RGSL1: variants seen among roughly 807,000 people sequenced by gnomAD.
RGSL1 encodes the protein regulator of G protein signaling like 1.
Under a neutral mutation model 124.7 loss-of-function variants are expected in RGSL1, and 97 were observed. That is an observed-to-expected ratio of 0.78 (90% CI 0.66 to 0.92). RGSL1 has a LOEUF of 0.92. Ranked by LOEUF, RGSL1 falls within the 40% of genes least tolerant of loss-of-function variation. The probability of loss-of-function intolerance (pLI) is 0.00; values close to 1 mark genes in which losing one functional copy is unlikely to be tolerated. For missense variants in RGSL1, 1,233 were observed against 1,288.4 expected (o/e 0.96, Z 0.66); for synonymous variants, 424 against 438.1 (o/e 0.97, Z 0.40).
Position 182,546,332 on chromosome 1 carries a change from T to C in RGSL1, c.2670-1985T>C, listed in dbSNP as rs116650036. Among the ~76,000 whole-genome samples the C allele has an allele frequency of 6.1e-3, 869 of 142,498 alleles. 9 individuals are homozygous for C. The highest frequency in any genetic ancestry group is 0.022 in the African/African-American group (839 of 38,640). 93.5% of individuals were successfully genotyped at this position (142,498 alleles called of 152,430 possible). ...GATTACTGTGAAGCAATTTAATCCT[T>C]CTGGCTTTGTATACCTTTTTTTTTT... On this transcript the variant is annotated intron_variant, in intron 15 of 21. Transcript: ENST00000294854.
rs1033786508 is a variant in RGSL1, at chr1:182,480,487, G to A, written c.1431+5945G>A. Among the ~76,000 whole-genome samples the A allele has an allele frequency of 2.7e-5, 4 of 148,052 alleles. No homozygotes were observed. In the East Asian group the frequency reaches 5.9e-4, roughly 22 times the overall value. On this transcript the variant is annotated intron_variant, in intron 6 of 21. Transcript: ENST00000294854. Reference sequence around the variant, plus strand: ...TTTTTTTTTTTTTTGACAGAGTCACGCTCTGTCACCCAGGCTGGAGTGCAG... The same window carrying A: ...TTTTTTTTTTTTTTGACAGAGTCACACTCTGTCACCCAGGCTGGAGTGCAG...
chr1:182,493,022 A>G lies in RGSL1; in HGVS notation c.1718A>G (p.Asp573Gly). The G allele has an allele frequency of 6.5e-7, 1 of 1,544,280 alleles. No individual in the cohort carries two copies. The highest frequency in any genetic ancestry group is 2.4e-5 in the East Asian group (1 of 40,850). ...VELTSPVFLT[D>G]ITKMSFEELC... Reference sequence around the variant, plus strand: ...ATCTCTGTTTTTCCTTACTTCACAGACATAACTAAAATGTCCTTTGAGGAG... The same window carrying G: ...ATCTCTGTTTTTCCTTACTTCACAGGCATAACTAAAATGTCCTTTGAGGAG... Residue 573 changes from aspartate to glycine, a missense_variant and splice_region_variant, in exon 9 of 22, where the codon GAC becomes GGC. Asp to Gly is a moderately conservative substitution (Grantham distance 94). Transcript: ENST00000294854.
chr1:182,491,069 T>G (rs1051422897), intron 8 of RGSL1, among the ~76,000 whole-genome samples: 5 of 151,476 alleles, frequency 3.3e-5, no homozygotes, highest in South Asian at 4.2e-4. Flanking sequence ...TTTTTTTTTT[T>G]GTAGAGATGG....
chr1:182,513,500 C>A (rs1009314145), intron 9 of RGSL1, among the ~76,000 whole-genome samples: 12 of 152,132 alleles, frequency 7.9e-5, no homozygotes, highest in Non-Finnish European at 1.6e-4. Flanking sequence ...GCTGTTTTGC[C>A]CTAGTGAAAG....
chr1:182,447,891 A>T (rs1651576930), upstream of RGSL1: 1 of 152,118 alleles, frequency 6.6e-6, no homozygotes, highest in Non-Finnish European at 1.5e-5. Context: ...ACAGGAGCCT[A>T]AAATGAGCCA....
intron 6 of RGSL1, among the ~76,000 whole-genome samples, chr1:182,482,585 C>A (rs1024926161): frequency 5.9e-5 from 9 of 152,128 alleles, no homozygotes; most frequent in Non-Finnish European, 1.3e-4. Context: ...AATCAATATT[C>A]AAAAACAGTT....
chr1:182,488,494 C>A (rs1176892980), intron 7 of RGSL1, 147 bp downstream of exon 7: 9 of 775,080 alleles, frequency 1.2e-5, no homozygotes, highest in African/African-American at 1.7e-5. Flanking sequence ...CCCTGTTGTT[C>A]TAAAGCTAAA....
chr1:182,532,905 A>G, intron 14 of RGSL1, 114 bp downstream of exon 14: 1 of 1,151,980 alleles, frequency 8.7e-7, no homozygotes, highest in Non-Finnish European at 1.2e-6. Flanking sequence ...GGAGTCTAGC[A>G]AAAAAACCCA....
In RGSL1 at chr1:182,474,527, G is replaced by A. The variant is rs1280001528; in HGVS notation, c.1416G>A (p.Gln472=). ...TGATCCCCTGGATTCCCAAAGCCCAGAAGGAGATTTGCAAGGTAGGCCATG... is the reference window on the plus strand; with the variant it reads ...TGATCCCCTGGATTCCCAAAGCCCAAAAGGAGATTTGCAAGGTAGGCCATG... ...GDVIPWIPKA[Q]KEICKMLSPW... is the part of the protein sequence containing the mutation. The change falls in exon 6 of 22, where the codon CAG becomes CAA. Residue 472 remains glutamine, a synonymous_variant. Coordinates refer to ENST00000294854, the MANE Select transcript of RGSL1 (RefSeq NM_001137669.2). 1.3e-6 allele frequency: 2 copies of A among 1,543,600 alleles called. No homozygotes were observed. Among genetic ancestry groups the A allele is most frequent in the Admixed American group, 2.0e-5 (1 of 50,334 alleles).
upstream of RGSL1, among the ~76,000 whole-genome samples, chr1:182,449,451 G>C (rs1402420965): frequency 2.0e-5 from 3 of 152,302 alleles, no homozygotes; most frequent in South Asian, 6.2e-4. Flanking sequence ...TGACACTGAA[G>C]AATTCTATTC....
intron 9 of RGSL1, among the ~76,000 whole-genome samples, chr1:182,511,976 A>G (rs1184135569): frequency 6.6e-6 from 1 of 151,974 alleles, no homozygotes; most frequent in East Asian, 1.9e-4. Context: ...ATTGATTCCT[A>G]TATATTTTAT....
At chr1:182,527,938 A>G (rs1195203437) in intron 11 of RGSL1, among the ~76,000 whole-genome samples, 166 bp downstream of exon 11, 1 of 152,206 alleles carries the variant, frequency 6.6e-6, no homozygotes, top group Non-Finnish European at 1.5e-5. Flanking sequence ...AGCAGAGAAC[A>G]GTAATAATAA....
At chr1:182,514,340 T>C (rs1657699185) in intron 9 of RGSL1, among the ~76,000 whole-genome samples, 1 of 152,098 alleles carries the variant, frequency 6.6e-6, no homozygotes, top group South Asian at 2.1e-4. Flanking sequence ...TGGGATCCCA[T>C]TTAGGGTCAT....
intron 9 of RGSL1, among the ~76,000 whole-genome samples, chr1:182,504,897 G>A (rs1327651441): frequency 6.6e-6 from 1 of 152,096 alleles, no homozygotes; most frequent in Non-Finnish European, 1.5e-5. Context: ...CTCCTCGCTT[G>A]CCTGGAAACT....
At chr1:182,514,173 G>A (rs867406564) in intron 9 of RGSL1, among the ~76,000 whole-genome samples, 2 of 152,154 alleles carry the variant, frequency 1.3e-5, no homozygotes, top group Non-Finnish European at 2.9e-5. Flanking sequence ...GATTATAGGC[G>A]TGAGCTACCA....
intron 4 of RGSL1, among the ~76,000 whole-genome samples, chr1:182,469,829 A>G (rs1653675901): frequency 6.6e-6 from 1 of 152,218 alleles, no homozygotes; most frequent in Admixed American, 6.5e-5. Flanking sequence ...AATATTATTC[A>G]GCCATAAAAA....
chr1:182,525,360 C>G (rs1238647475), intron 10 of RGSL1, among the ~76,000 whole-genome samples: 1 of 151,816 alleles, frequency 6.6e-6, no homozygotes, highest in Non-Finnish European at 1.5e-5. Context: ...ATAGGTTCAA[C>G]AAACTAAAGA....
rs113486256 is a variant in RGSL1, at chr1:182,454,164, T to TA, written c.96+131dup. On this transcript the variant is annotated intron_variant, in intron 2 of 21. Transcript: ENST00000294854. ...GGGTTTTACTAAATGTCTTCTTAAA[T>TA]AAAAAAACTCTTTTAATTTGAGCAA... 7,993 of 639,428 alleles carry TA rather than the reference T, an allele frequency of 0.013. 419 individuals are homozygous for TA. The African/African-American group carries it at 0.13, about 10-fold the overall frequency. The allele number at this position is 639,428 out of a possible 1,614,324, so 39.6% of individuals were successfully genotyped here.
At chr1:182,499,878 T>C (rs951819550) in intron 9 of RGSL1, among the ~76,000 whole-genome samples, 6 of 152,228 alleles carry the variant, frequency 3.9e-5, no homozygotes, top group African/African-American at 1.4e-4. Context: ...CAACAAATTC[T>C]CTTAGCATTT....
Sources: allele counts gnomAD v4.1 joint callset (sites outside exome capture counted in the v4.1 genomes callset), GRCh38; gene constraint gnomAD v4.1.1; transcripts MANE v1.5; gene names NCBI Gene and HGNC (gene_info 2026-07-23, HGNC 2026-07-21).